The following IQCM variants were observed in gnomAD, a reference collection of about 807,000 sequenced individuals.
IQCM encodes IQ motif containing M.
In IQCM, 45 loss-of-function variants were observed where a neutral mutation model predicts 57.6. The observed-to-expected ratio is 0.78, with a 90% CI of 0.62 to 1.00. The LOEUF is 1.00. Among genes scored for constraint, IQCM ranks in the 50% least tolerant of loss-of-function variants. The probability of loss-of-function intolerance (pLI) is 0.00; values close to 1 mark genes in which losing one functional copy is unlikely to be tolerated. For synonymous variants in IQCM, 148 were observed against 158.9 expected, an observed-to-expected ratio of 0.93 and a Z score of 0.51; for missense variants, 468 against 511.6, an observed-to-expected ratio of 0.91 and a Z score of 0.82.
intron 5 of IQCM, among the ~76,000 whole-genome samples, chr4:149,693,245 C>A (rs554116352): frequency 2.0e-5 from 3 of 152,284 alleles, no homozygotes; most frequent in South Asian, 4.1e-4. Context: ...AAAGCTATTT[C>A]TTTCCTTGGC....
chr4:149,756,814 T>C (rs1769010097), intron 2 of IQCM, among the ~76,000 whole-genome samples: 1 of 152,138 alleles, frequency 6.6e-6, no homozygotes, highest in Non-Finnish European at 1.5e-5. Flanking sequence ...AGAGGATAAA[T>C]AGACTGAGCA....
chr4:149,670,348 A>C (rs1160908106), intron 7 of IQCM, among the ~76,000 whole-genome samples: 2 of 152,164 alleles, frequency 1.3e-5, no homozygotes, highest in African/African-American at 4.8e-5. Flanking sequence ...ACTTTGCTGA[A>C]GTTGCTTATC....
intron 5 of IQCM, among the ~76,000 whole-genome samples, chr4:149,704,699 G>T (rs1189816426): frequency 1.3e-5 from 2 of 151,900 alleles, no homozygotes; most frequent in Non-Finnish European, 2.9e-5. Flanking sequence ...TTAATTTTAT[G>T]TGTCAACTTG....
intron 10 of IQCM, among the ~76,000 whole-genome samples, chr4:149,560,159 T>C (rs967410026): frequency 1.3e-5 from 2 of 152,224 alleles, no homozygotes; most frequent in Non-Finnish European, 2.9e-5. Context: ...TTTGTTATTA[T>C]TTCTGTTTTG....
At chr4:149,735,758 T>C (rs72957492) in intron 3 of IQCM, among the ~76,000 whole-genome samples, 3,532 of 152,240 alleles carry the variant, frequency 0.023, 118 homozygotes, top group African/African-American at 0.08. Context: ...TATTAACAAG[T>C]CTGTGTTTTC....
At chr4:149,799,744 C>A (rs1200200767) in intron 2 of IQCM, among the ~76,000 whole-genome samples, 1 of 151,502 alleles carries the variant, frequency 6.6e-6, no homozygotes, top group African/African-American at 2.4e-5. Flanking sequence ...TGGACAGATT[C>A]CAAGACACAT....
At chr4:149,687,418 T>C (rs1341922198) in intron 5 of IQCM, among the ~76,000 whole-genome samples, 3 of 151,166 alleles carry the variant, frequency 2.0e-5, no homozygotes, top group Non-Finnish European at 4.4e-5. Flanking sequence ...AAAAATACAA[T>C]ACAATAAAAA....
chr4:149,502,265 A>G (rs186489891), intron 12 of IQCM, among the ~76,000 whole-genome samples: 1 of 152,262 alleles, frequency 6.6e-6, no homozygotes, highest in East Asian at 1.9e-4. Flanking sequence ...TCACAATAAA[A>G]TTCAAAAAAT....
intron 12 of IQCM, among the ~76,000 whole-genome samples, chr4:149,520,732 T>C (rs937362746): frequency 6.6e-6 from 1 of 152,150 alleles, no homozygotes; most frequent in African/African-American, 2.4e-5. Flanking sequence ...CTAGTTACCA[T>C]CTGGATAATG....
chr4:149,725,079 C>A lies in IQCM; in HGVS notation c.385+8165G>T, dbSNP rs946948058. Among the ~76,000 whole-genome samples the A allele has an allele frequency of 2.0e-5, 3 of 152,214 alleles. No homozygotes were observed. The East Asian group carries it at 5.8e-4, about 29-fold the overall frequency. On this transcript the variant is annotated intron_variant, in intron 5 of 13. Coordinates refer to ENST00000636793, the MANE Select transcript of IQCM (RefSeq NM_001363507.2). ...TATCAAAACTATGGGCATGTATTTA[C>A]AGGCAAGCACAAAGAAGATATTTAC... is the stretch of plus-strand genomic sequence containing the variant.
chr4:149,522,460 C>T (rs1745751047), intron 12 of IQCM, among the ~76,000 whole-genome samples: 1 of 152,104 alleles, frequency 6.6e-6, no homozygotes, highest in Admixed American at 6.6e-5. Flanking sequence ...CGTAAGAAAA[C>T]ATACCATTAA....
chr4:149,480,743 A>T (rs1388641488), intron 12 of IQCM, among the ~76,000 whole-genome samples: 5 of 152,082 alleles, frequency 3.3e-5, no homozygotes, highest in Non-Finnish European at 7.4e-5. Context: ...TACCTCTTTG[A>T]TATATTTATT....
intron 9 of IQCM, among the ~76,000 whole-genome samples, chr4:149,568,463 T>C (rs1750841669): frequency 6.6e-6 from 1 of 151,990 alleles, no homozygotes; most frequent in Non-Finnish European, 1.5e-5. Context: ...CAAGGAAAAT[T>C]TTGGCCTAAG....
intron 12 of IQCM, among the ~76,000 whole-genome samples, chr4:149,452,076 T>C (rs927210366): frequency 2.6e-5 from 4 of 151,386 alleles, no homozygotes; most frequent in Non-Finnish European, 5.9e-5. Context: ...GCAATAAAAA[T>C]CAGAAATTAA....
chr4:149,500,039 G>A (rs1227931776), intron 12 of IQCM, among the ~76,000 whole-genome samples: 2 of 152,178 alleles, frequency 1.3e-5, no homozygotes, highest in Non-Finnish European at 2.9e-5. Flanking sequence ...AGACCTTCCA[G>A]CTGTCTCTGG....
At chr4:149,364,989 T>G (rs1288610426) in intron 13 of IQCM, among the ~76,000 whole-genome samples, 2 of 152,094 alleles carry the variant, frequency 1.3e-5, no homozygotes, top group South Asian at 2.1e-4. Context: ...TATATAAAAT[T>G]ATAGATATGT....
intron 7 of IQCM, among the ~76,000 whole-genome samples, chr4:149,648,936 A>G (rs1196028539): frequency 1.3e-5 from 2 of 152,162 alleles, no homozygotes; most frequent in African/African-American, 4.8e-5. Flanking sequence ...TTAAAAAAAG[A>G]AAAAATAATT....
intron 13 of IQCM, among the ~76,000 whole-genome samples, chr4:149,421,959 T>G (rs926087010): frequency 6.6e-6 from 1 of 152,024 alleles, no homozygotes; most frequent in Non-Finnish European, 1.5e-5. Context: ...TGACATACCT[T>G]TAATAGAAAG....
At chr4:149,624,722 C>T (rs963669848) in intron 7 of IQCM, among the ~76,000 whole-genome samples, 1 of 152,104 alleles carries the variant, frequency 6.6e-6, no homozygotes, top group African/African-American at 2.4e-5. Context: ...TGGATATCAG[C>T]AAAAGACCCA....
Sources: allele counts gnomAD v4.1 joint callset (sites outside exome capture counted in the v4.1 genomes callset), GRCh38; gene constraint gnomAD v4.1.1; transcripts MANE v1.5; gene names NCBI Gene and HGNC (gene_info 2026-07-23, HGNC 2026-07-21).